CABP1: variants seen among roughly 807,000 people sequenced by gnomAD.
CABP1 encodes calcium-binding protein 1.
In CABP1, 17 loss-of-function variants were observed where a neutral mutation model predicts 34.3. The observed-to-expected ratio is 0.50, with a 90% confidence interval of 0.34 to 0.74. The LOEUF (loss-of-function observed/expected upper bound fraction) is 0.74, where lower values mean the gene tolerates loss of function less well. Ranked by LOEUF, CABP1 falls within the 30% of genes least tolerant of loss-of-function variation. CABP1 has a pLI of 0.01. For missense variants in CABP1, 373 were observed against 511.1 expected (o/e 0.73, Z 2.61); for synonymous variants, 198 against 229.2 (o/e 0.86, Z 1.23).
At chr12:120,679,598 TG>T in the CABP1 span, among the ~76,000 whole-genome samples, 1 of 152,040 alleles carries the variant, frequency 6.6e-6, no homozygotes, top group Non-Finnish European at 1.5e-5. Flanking sequence ...GAAGCCGAGG[TG>T]GGCGGATCAC....
At position 120,666,860 on chromosome 12, in the gene CABP1, C is replaced by T. The variant is rs761725542; in HGVS notation, c.1088-15C>T. ...GGCTGCTGCTTGCTCCCCAGCTGCT[C>T]CTCTACCCTTCTAGAGTTTGTCCGG... On this transcript the variant is annotated splice_polypyrimidine_tract_variant and intron_variant, in intron 5 of 5. Coordinates refer to ENST00000316803, the MANE Select transcript of CABP1 (RefSeq NM_001033677.2). The T allele has an allele frequency of 3.9e-5, 63 of 1,603,452 alleles. No homozygotes were observed. The East Asian group carries it at 1.4e-3, about 35-fold the overall frequency.
At chr12:120,649,631 C>T (rs1456378541) in intron 1 of CABP1, among the ~76,000 whole-genome samples, 1 of 152,048 alleles carries the variant, frequency 6.6e-6, no homozygotes, top group Non-Finnish European at 1.5e-5. Flanking sequence ...AGGCAGGGGG[C>T]GAGGAGGAGG....
chr12:120,672,051 G>T (rs139618948), downstream of CABP1, among the ~76,000 whole-genome samples: 6 of 152,026 alleles, frequency 3.9e-5, no homozygotes, highest in East Asian at 1.2e-3. Flanking sequence ...CTGGACAACC[G>T]AGCGAGACCC....
chr12:120,648,398 C>G (rs984063356), intron 1 of CABP1, among the ~76,000 whole-genome samples: 1 of 152,172 alleles, frequency 6.6e-6, no homozygotes, highest in African/African-American at 2.4e-5. Context: ...GTTCCCAGAG[C>G]CAAGCACGGT....
At chr12:120,642,777 T>G (rs1879395031) in intron 1 of CABP1, among the ~76,000 whole-genome samples, 1 of 152,038 alleles carries the variant, frequency 6.6e-6, no homozygotes, top group South Asian at 2.1e-4. Flanking sequence ...ATTCATTCAT[T>G]TATCAATTAT....
chr12:120,665,680 C>G (rs1053889698), intron 5 of CABP1, among the ~76,000 whole-genome samples: 1 of 151,496 alleles, frequency 6.6e-6, no homozygotes, highest in Admixed American at 6.6e-5. Flanking sequence ...AAAAAATCTC[C>G]GTACTTTCTA....
Position 120,660,846 on chromosome 12 carries a change from G to GGACA in CABP1, c.939+9_939+12dup. ...TGCGAGATGCTTTCCGAGAGGTAAC[G>GGACA]GACAGAGGCAGGCAGGCATGGGGCG... On this transcript the variant is annotated splice_region_variant and intron_variant, in intron 4 of 5. Transcript: ENST00000316803. The surrounding 1 kb of genome is among the most constrained non-coding windows in gnomAD (Gnocchi z 5.0). The GGACA allele has an allele frequency of 6.3e-7, 1 of 1,599,468 alleles. No homozygotes were observed. The highest frequency in any genetic ancestry group is 8.6e-7 in the Non-Finnish European group (1 of 1,166,676).
chr12:120,675,300 G>A, the CABP1 span, among the ~76,000 whole-genome samples: 21 of 152,278 alleles, frequency 1.4e-4, no homozygotes, highest in Non-Finnish European at 2.4e-4. Context: ...TGATCCACCC[G>A]CCTCGACCTC....
At chr12:120,655,434 C>T (rs185391416) in intron 1 of CABP1, 13 of 656,096 alleles carry the variant, frequency 2.0e-5, no homozygotes, top group African/African-American at 1.7e-4. Context: ...TAGCCACACA[C>T]GAAAAAGGAG....
At chr12:120,673,886 G>A in the CABP1 span, among the ~76,000 whole-genome samples, 37 of 152,294 alleles carry the variant, frequency 2.4e-4, no homozygotes, top group Middle Eastern at 0.014. Flanking sequence ...AGTAAGCATC[G>A]TAAATGTTTT....
chr12:120,658,872 GA>G (rs1213388201), intron 1 of CABP1: 1 of 152,406 alleles, frequency 6.6e-6, no homozygotes, highest in Non-Finnish European at 1.5e-5. Context: ...CAACATGCGG[GA>G]GGCTGGACGC....
intron 1 of CABP1, among the ~76,000 whole-genome samples, chr12:120,647,639 C>T (rs932073176): frequency 1.4e-5 from 2 of 145,474 alleles, no homozygotes; most frequent in Non-Finnish European, 3.0e-5. Flanking sequence ...GCGATCTCGA[C>T]TCACTGCAAT....
chr12:120,651,881 G>A (rs960903607), intron 1 of CABP1, among the ~76,000 whole-genome samples: 5 of 152,130 alleles, frequency 3.3e-5, no homozygotes, highest in Admixed American at 6.5e-5. Flanking sequence ...AGTGCCCTCC[G>A]CGCTGTCCCA....
the CABP1 span, among the ~76,000 whole-genome samples, chr12:120,679,980 T>C: frequency 9.2e-5 from 14 of 152,208 alleles, no homozygotes; most frequent in Middle Eastern, 3.4e-3. Context: ...GAGACCAGCC[T>C]GGCCAACATG....
chr12:120,655,846 T>C (rs929268697), intron 1 of CABP1: 2 of 1,504,212 alleles, frequency 1.3e-6, no homozygotes, highest in African/African-American at 2.8e-5. Context: ...TGTGTGTGTG[T>C]GTGTGCGCAT....
At position 120,652,363 on chromosome 12, in the gene CABP1, C is replaced by CTT. The variant is rs34224330; in HGVS notation, c.655-7504_655-7503dup. 8.1e-5 allele frequency among the ~76,000 whole-genome samples: 12 copies of CTT among 147,674 alleles called. 1 individual carries two copies. The highest frequency in any genetic ancestry group is 5.9e-4 in the East Asian group (3 of 5,064). Reference sequence around the variant, plus strand: ...GTTTCTATCATAGTATTAATAATTGCTTTTTTTTTTTTCTAAATATCTGCA... The same window carrying CTT: ...GTTTCTATCATAGTATTAATAATTGCTTTTTTTTTTTTTTCTAAATATCTGCA... On this transcript the variant is annotated intron_variant, in intron 1 of 5. Coordinates refer to ENST00000316803, the MANE Select transcript of CABP1 (RefSeq NM_001033677.2).
intron 1 of CABP1, among the ~76,000 whole-genome samples, chr12:120,658,230 A>T (rs1231481612): frequency 6.6e-6 from 1 of 151,632 alleles, no homozygotes. Flanking sequence ...AGTAGCTGGG[A>T]CTACAGGCGT....
chr12:120,663,292 T>G (rs1018939761), intron 5 of CABP1, among the ~76,000 whole-genome samples: 1 of 150,740 alleles, frequency 6.6e-6, no homozygotes, highest in African/African-American at 2.4e-5. Context: ...TTATTTATTT[T>G]AAGACAGGGT....
intron 1 of CABP1, among the ~76,000 whole-genome samples, chr12:120,652,643 AC>A (rs1283891911): frequency 6.6e-6 from 1 of 152,076 alleles, no homozygotes; most frequent in African/African-American, 2.4e-5. Flanking sequence ...TCTGGATCTG[AC>A]CTTAGAAGTC....
Sources: allele counts gnomAD v4.1 joint callset (sites outside exome capture counted in the v4.1 genomes callset), GRCh38; gene constraint gnomAD v4.1.1; non-coding constraint Gnocchi (gnomAD v3.1); transcripts MANE v1.5; gene names NCBI Gene and HGNC (gene_info 2026-07-23, HGNC 2026-07-21).